Variants in DDR2 observed in about 807,000 individuals in gnomAD.
DDR2 encodes discoidin domain-containing receptor 2.
Under a neutral mutation model 94.9 loss-of-function variants are expected in DDR2, and 27 were observed. That is an observed-to-expected ratio of 0.28 (90% CI 0.21 to 0.39). DDR2 has a LOEUF of 0.39. DDR2 is among the 10% of genes least tolerant of loss of function. DDR2 has a pLI of 1.00. For missense variants in DDR2, 783 were observed against 1,076.0 expected, an observed-to-expected ratio of 0.73 and a Z score of 3.81; for synonymous variants, 382 against 377.2, an observed-to-expected ratio of 1.01 and a Z score of -0.15.
At chr1:162,673,398 A>C (rs931148755) in intron 2 of DDR2, among the ~76,000 whole-genome samples, 1 of 152,146 alleles carries the variant, frequency 6.6e-6, no homozygotes, top group African/African-American at 2.4e-5. Context: ...TAATCGTAAA[A>C]TTTTAAGGTG....
intron 3 of DDR2, among the ~76,000 whole-genome samples, chr1:162,729,269 A>G (rs1661876447): frequency 7.3e-6 from 1 of 137,782 alleles, no homozygotes; most frequent in African/African-American, 2.8e-5. Flanking sequence ...GCTCAAGCCA[A>G]GCATATCCAT....
Position 162,717,992 on chromosome 1 carries a change from A to G in DDR2, c.-27-1045A>G, listed in dbSNP as rs73024572. Among the ~76,000 whole-genome samples, 467 of 152,322 alleles carry G rather than the reference A, an allele frequency of 3.1e-3. 1 individual carries two copies. Among genetic ancestry groups the G allele is most frequent in the African/African-American group, 0.011 (442 of 41,572 alleles). ...TGCTTCATTTTCTTAAGAGCAGATT[A>G]TCTACATAAATTATTTGGAATTCTT... On this transcript the variant is annotated intron_variant, in intron 2 of 17. Transcript: ENST00000367921.
intron 3 of DDR2, among the ~76,000 whole-genome samples, chr1:162,747,214 C>T (rs1400359187): frequency 6.6e-6 from 1 of 152,110 alleles, no homozygotes; most frequent in Non-Finnish European, 1.5e-5. Context: ...TAATAACAAA[C>T]TTCTCCAAGG....
chr1:162,770,815 C>T lies in DDR2; in HGVS notation c.1504+303C>T, dbSNP rs139422450. On this transcript the variant is annotated intron_variant, in intron 12 of 17. Coordinates refer to ENST00000367921, the MANE Select transcript of DDR2 (RefSeq NM_006182.4). The stretch of plus-strand genomic sequence containing the variant: ...AACCTAAACAGTCCAACCAGTCTAA[C>T]CTCATTTTACATGTCGGGAAAGTGA... 390 of 421,178 alleles carry T rather than the reference C, an allele frequency of 9.3e-4. 4 individuals are homozygous for T. Among genetic ancestry groups the T allele is most frequent in the African/African-American group, 7.4e-3 (365 of 49,358 alleles). 26.1% of individuals were successfully genotyped at this position (421,178 alleles called of 1,614,324 possible). A position where few individuals can be genotyped will look rare whatever the true frequency, so the allele number is the denominator to read the frequency against.
chr1:162,669,046 T>C (rs1489708148), intron 2 of DDR2, among the ~76,000 whole-genome samples: 1 of 152,230 alleles, frequency 6.6e-6, no homozygotes, highest in Non-Finnish European at 1.5e-5. Flanking sequence ...GTACTTTAGT[T>C]CCTTTGGGGC....
In DDR2 at chr1:162,744,591, C is replaced by A. The variant is rs201076611; in HGVS notation, c.83-8504C>A. ...TGCAGGTTTGTTACATAGGTATACA[C>A]GTGCCATGGTGGTTTGCTGCACCCA... is the stretch of plus-strand genomic sequence containing the variant. On this transcript the variant is annotated intron_variant, in intron 3 of 17. Transcript: ENST00000367921. 9.2e-5 allele frequency among the ~76,000 whole-genome samples: 14 copies of A among 152,104 alleles called. No individual in the cohort carries two copies. The East Asian group carries it at 1.5e-3, about 17-fold the overall frequency.
At chr1:162,710,855 C>T (rs1288713208) in intron 2 of DDR2, among the ~76,000 whole-genome samples, 1 of 152,108 alleles carries the variant, frequency 6.6e-6, no homozygotes, top group Non-Finnish European at 1.5e-5. Flanking sequence ...CATACTCCAG[C>T]CTTTCCAGGG....
chr1:162,744,923 C>T (rs564185323), intron 3 of DDR2, among the ~76,000 whole-genome samples: 1 of 152,292 alleles, frequency 6.6e-6, no homozygotes, highest in East Asian at 1.9e-4. Flanking sequence ...TGAGGAGCCT[C>T]CATACTGACT....
At chr1:162,730,804 C>T (rs1255949002) in intron 3 of DDR2, among the ~76,000 whole-genome samples, 1 of 152,192 alleles carries the variant, frequency 6.6e-6, no homozygotes, top group Non-Finnish European at 1.5e-5. Flanking sequence ...CTTCTCCTTA[C>T]ATTCCCCCTC....
intron 3 of DDR2, among the ~76,000 whole-genome samples, chr1:162,741,215 A>ATAATAT (rs1662583295): frequency 8.0e-6 from 1 of 124,412 alleles, no homozygotes; most frequent in Non-Finnish European, 1.6e-5. Context: ...AATACAATAT[A>ATAATAT]ATATAATATA....
intron 2 of DDR2, among the ~76,000 whole-genome samples, chr1:162,665,014 A>G (rs955041717): frequency 6.6e-6 from 1 of 152,246 alleles, no homozygotes; most frequent in Non-Finnish European, 1.5e-5. Flanking sequence ...TCTCTCTTAC[A>G]TATACAGAAT....
chr1:162,672,903 C>T (rs1005113259), intron 2 of DDR2, among the ~76,000 whole-genome samples: 2 of 152,122 alleles, frequency 1.3e-5, no homozygotes, highest in African/African-American at 4.8e-5. Context: ...CATGGAAAAC[C>T]TGTGAGATGA....
chr1:162,664,283 T>G (rs1209556417), intron 2 of DDR2, among the ~76,000 whole-genome samples: 2 of 152,176 alleles, frequency 1.3e-5, no homozygotes, highest in African/African-American at 4.8e-5. Flanking sequence ...TGTATGTATA[T>G]GTTTTACCTA....
At chr1:162,645,951 A>G (rs184109446) in intron 1 of DDR2, among the ~76,000 whole-genome samples, 7 of 152,272 alleles carry the variant, frequency 4.6e-5, no homozygotes, top group Admixed American at 2.6e-4. Context: ...GGTATGTGTT[A>G]GTATGTAAAA....
intron 3 of DDR2, among the ~76,000 whole-genome samples, chr1:162,743,385 C>A (rs1662703323): frequency 6.6e-6 from 1 of 152,100 alleles, no homozygotes; most frequent in Admixed American, 6.6e-5. Context: ...TTGATTTTTG[C>A]TACTTCTCCA....
intron 3 of DDR2, among the ~76,000 whole-genome samples, chr1:162,736,989 A>G (rs777666686): frequency 6.6e-6 from 1 of 152,214 alleles, no homozygotes; most frequent in Non-Finnish European, 1.5e-5. Flanking sequence ...AATAGTGTGA[A>G]CAGAAGAGTT....
intron 14 of DDR2, among the ~76,000 whole-genome samples, chr1:162,774,182 T>C (rs180914485): frequency 6.6e-6 from 1 of 152,338 alleles, no homozygotes; most frequent in Admixed American, 6.5e-5. Context: ...TTGGATCTTT[T>C]TCTACATAAA....
At chr1:162,687,205 C>G (rs1659727717) in intron 2 of DDR2, among the ~76,000 whole-genome samples, 1 of 152,192 alleles carries the variant, frequency 6.6e-6, no homozygotes, top group African/African-American at 2.4e-5. Flanking sequence ...TAAAGGTGGC[C>G]TGGATGTGGT....
rs2102186392 is a variant in DDR2 at position 162,772,180 on chromosome 1, C to G, written c.1661C>G (p.Ala554Gly). 1.9e-6 allele frequency: 3 copies of G among 1,614,220 alleles called. No homozygotes were observed. The highest frequency in any genetic ancestry group is 2.5e-6 in the Non-Finnish European group (3 of 1,180,034). The change falls in exon 13 of 18, where the codon GCT becomes GGT. Residue 554 changes from alanine (A) to glycine (G), a missense_variant. Ala to Gly is a moderately conservative substitution (Grantham distance 60). Coordinates refer to ENST00000367921, the MANE Select transcript of DDR2 (RefSeq NM_006182.4). ...GACCTGCTCTCAGGAAAAGATGTGG[C>G]TGTGGAGGAGTTCCCCAGGAAACTC... ...TMDLLSGKDVAVEEFPRKLLT... is the reference protein window; with the variant it reads ...TMDLLSGKDVGVEEFPRKLLT...
Sources: allele counts gnomAD v4.1 joint callset (sites outside exome capture counted in the v4.1 genomes callset), GRCh38; gene constraint gnomAD v4.1.1; transcripts MANE v1.5; gene names NCBI Gene and HGNC (gene_info 2026-07-23, HGNC 2026-07-21).